The following PTPRD variants were observed in gnomAD, a reference collection of about 807,000 sequenced individuals.
The protein encoded by PTPRD is protein tyrosine phosphatase receptor type D.
Under a neutral mutation model 214.5 loss-of-function variants are expected in PTPRD, and 34 were observed. The observed-to-expected ratio is 0.16, with a 90% CI of 0.12 to 0.21. The LOEUF is 0.21. PTPRD is among the 10% of genes least tolerant of loss of function. The probability of loss-of-function intolerance (pLI) is 1.00; values close to 1 mark genes in which losing one functional copy is unlikely to be tolerated. For missense variants in PTPRD, 2,545 were observed against 2,398.7 expected (o/e 1.06, Z -1.27); for synonymous variants, 1,128 against 845.7 (o/e 1.33, Z -5.79).
At position 10,401,561 on chromosome 9, in the gene PTPRD, T is replaced by C. The variant is rs539055951; in HGVS notation, c.-599-60544A>G. Among the ~76,000 whole-genome samples, 6 of 150,276 alleles carry C rather than the reference T, an allele frequency of 4.0e-5. No homozygotes were observed. The Admixed American group carries it at 4.0e-4, about 10-fold the overall frequency. ...TATCTGTGGTGTAACAGTATATCTA[T>C]AGTATTAAATTATATATATAAACAG... On this transcript the variant is annotated intron_variant, in intron 2 of 45. Coordinates refer to ENST00000381196, the MANE Select transcript of PTPRD (RefSeq NM_002839.4).
At chr9:9,944,699 C>T (rs963992669) in intron 4 of PTPRD, among the ~76,000 whole-genome samples, 1 of 148,408 alleles carries the variant, frequency 6.7e-6, no homozygotes, top group Non-Finnish European at 1.5e-5. Context: ...AGAAATCCAG[C>T]TTTTTTTTTT....
chr9:9,465,676 G>A (rs752383859), intron 8 of PTPRD, among the ~76,000 whole-genome samples: 1 of 152,042 alleles, frequency 6.6e-6, no homozygotes, highest in Non-Finnish European at 1.5e-5. Context: ...AACCCAATGC[G>A]TTCTGGATCT....
chr9:9,058,540 CT>C (rs1212788230), intron 10 of PTPRD, among the ~76,000 whole-genome samples: 6 of 142,056 alleles, frequency 4.2e-5, no homozygotes, highest in East Asian at 4.3e-4. Context: ...CCTCCGCCCC[CT>C]GGGGTTCACG....
intron 4 of PTPRD, among the ~76,000 whole-genome samples, chr9:9,980,078 A>C (rs2095488558): frequency 6.6e-6 from 1 of 152,192 alleles, no homozygotes; most frequent in Non-Finnish European, 1.5e-5. Flanking sequence ...TTTATTAAAC[A>C]AGAACTAAAA....
intron 11 of PTPRD, among the ~76,000 whole-genome samples, chr9:8,794,162 G>A (rs1036326316): frequency 1.3e-5 from 2 of 152,120 alleles, no homozygotes; most frequent in African/African-American, 4.8e-5. Flanking sequence ...ATCAGGAAAA[G>A]GAAGGCAAGT....
intron 12 of PTPRD, among the ~76,000 whole-genome samples, chr9:8,663,857 TA>T (rs1418030878): frequency 6.6e-6 from 1 of 151,654 alleles, no homozygotes; most frequent in Non-Finnish European, 1.5e-5. Flanking sequence ...AATGATTAAT[TA>T]AAGTGTAGAT....
At chr9:8,434,150 T>C (rs1055557473) in intron 35 of PTPRD, among the ~76,000 whole-genome samples, 2 of 152,050 alleles carry the variant, frequency 1.3e-5, no homozygotes. Flanking sequence ...GCCTGGCTAA[T>C]TTTGTATTTT....
chr9:9,253,843 C>T (rs2099976509), intron 9 of PTPRD, among the ~76,000 whole-genome samples: 1 of 152,088 alleles, frequency 6.6e-6, no homozygotes, highest in Non-Finnish European at 1.5e-5. Flanking sequence ...TCTTCTGTTC[C>T]AGAGGCCAGA....
chr9:9,027,729 G>C (rs2099591892), intron 10 of PTPRD, among the ~76,000 whole-genome samples: 1 of 151,862 alleles, frequency 6.6e-6, no homozygotes, highest in South Asian at 2.1e-4. Context: ...AGGGAGAATA[G>C]GGTGTTTAGT....
chr9:9,219,466 T>A (rs536704474), intron 9 of PTPRD, among the ~76,000 whole-genome samples: 1 of 152,134 alleles, frequency 6.6e-6, no homozygotes, highest in Non-Finnish European at 1.5e-5. Flanking sequence ...AGACATGTCC[T>A]TAAACATTTG....
intron 21 of PTPRD, among the ~76,000 whole-genome samples, chr9:8,512,802 A>G (rs887778026): frequency 2.6e-5 from 4 of 152,038 alleles, no homozygotes; most frequent in African/African-American, 9.6e-5. Flanking sequence ...GAAAAAAGAC[A>G]CATATTAGGA....
Position 10,210,807 on chromosome 9 carries a change from ATATATATATATATATGTATG to A in PTPRD, c.-545+130136_-545+130155del, listed in dbSNP as rs1303424535. 9.7e-4 allele frequency among the ~76,000 whole-genome samples: 90 copies of A among 92,944 alleles called. 4 individuals carry two copies. The South Asian group carries it at 0.028, about 29-fold the overall frequency. The allele number at this position is 92,944 out of a possible 152,430, so 61.0% of individuals were successfully genotyped here. On this transcript the variant is annotated intron_variant, in intron 3 of 45. Coordinates refer to ENST00000381196, the MANE Select transcript of PTPRD (RefSeq NM_002839.4). The stretch of plus-strand genomic sequence containing the variant: ...AAATCAAAAAACTTCATATATATAT[ATATATATATATATATGTATG>A]TATGTATGTATGTATAATCAAACCA...
At chr9:10,096,816 T>C (rs1295578760) in intron 3 of PTPRD, among the ~76,000 whole-genome samples, 1 of 152,128 alleles carries the variant, frequency 6.6e-6, no homozygotes, top group Non-Finnish European at 1.5e-5. Flanking sequence ...TCCTTGCCCA[T>C]GCCTATGTCC....
chr9:10,068,890 T>C (rs1205590983), intron 3 of PTPRD, among the ~76,000 whole-genome samples: 5 of 152,002 alleles, frequency 3.3e-5, no homozygotes, highest in Admixed American at 2.0e-4. Flanking sequence ...CCATAAAGAA[T>C]AAGCAATATT....
At chr9:8,592,668 C>T (rs1030371523) in intron 14 of PTPRD, among the ~76,000 whole-genome samples, 4 of 152,036 alleles carry the variant, frequency 2.6e-5, no homozygotes, top group Non-Finnish European at 2.9e-5. Context: ...GGTTGAATAT[C>T]GTGGTTACTG....
At chr9:10,464,404 T>C (rs10959112) in intron 2 of PTPRD, among the ~76,000 whole-genome samples, 11 of 129,570 alleles carry the variant, frequency 8.5e-5, no homozygotes, top group African/African-American at 2.5e-4. Context: ...GAGAGAGAGA[T>C]AGAGAGACAG....
chr9:9,997,687 AG>A (rs1471566669), intron 4 of PTPRD, among the ~76,000 whole-genome samples: 1 of 152,180 alleles, frequency 6.6e-6, no homozygotes, highest in East Asian at 1.9e-4. Context: ...TAATAGAAAC[AG>A]CTCCTGAAAC....
intron 10 of PTPRD, among the ~76,000 whole-genome samples, chr9:9,050,873 T>C (rs540136334): frequency 2.2e-4 from 34 of 152,334 alleles, no homozygotes; most frequent in Non-Finnish European, 4.3e-4. Context: ...CCTAGGTATA[T>C]ATGTATAGGA....
At chr9:10,569,477 T>C (rs2066740728) in intron 2 of PTPRD, among the ~76,000 whole-genome samples, 1 of 152,004 alleles carries the variant, frequency 6.6e-6, no homozygotes, top group South Asian at 2.1e-4. Context: ...GTTACTAAAA[T>C]TCATCCTGTA....
Sources: allele counts gnomAD v4.1 joint callset (sites outside exome capture counted in the v4.1 genomes callset), GRCh38; gene constraint gnomAD v4.1.1; transcripts MANE v1.5; gene names NCBI Gene and HGNC (gene_info 2026-07-23, HGNC 2026-07-21).